The following PTPRD variants were observed in gnomAD, a reference collection of about 807,000 sequenced individuals.
PTPRD encodes protein tyrosine phosphatase receptor type D.
In PTPRD, 34 loss-of-function variants were observed where a neutral mutation model predicts 214.5. That is an observed-to-expected ratio of 0.16 (90% CI 0.12 to 0.21). PTPRD has a LOEUF of 0.21. Among genes scored for constraint, PTPRD ranks in the 10% least tolerant of loss-of-function variants. The pLI is 1.00. For missense variants in PTPRD, 2,545 were observed against 2,398.7 expected (o/e 1.06, Z -1.27); for synonymous variants, 1,128 against 845.7 (o/e 1.33, Z -5.79).
chr9:8,329,895 A>C lies in PTPRD; in HGVS notation c.5534+1687T>G, dbSNP rs368561733. Among the ~76,000 whole-genome samples the C allele has an allele frequency of 1.7e-4, 25 of 150,444 alleles. No individual in the cohort carries two copies. In the East Asian group the frequency reaches 5.0e-3, roughly 30 times the overall value. On this transcript the variant is annotated intron_variant, in intron 44 of 45. Coordinates refer to ENST00000381196, the MANE Select transcript of PTPRD (RefSeq NM_002839.4). ...AGCTCGAATGGCCCAGGTGGACCTC[A>C]GACAGCTGTACTCGCAGTGAGATTT...
At chr9:9,535,269 T>G (rs140589263) in intron 8 of PTPRD, among the ~76,000 whole-genome samples, 2,741 of 152,232 alleles carry the variant, frequency 0.018, 40 homozygotes, top group Admixed American at 0.026. Context: ...TAGCTTTATT[T>G]GCTTTTAGGT....
chr9:10,595,098 G>C (rs10122397), intron 2 of PTPRD, among the ~76,000 whole-genome samples: 1 of 151,428 alleles, frequency 6.6e-6, no homozygotes, highest in Non-Finnish European at 1.5e-5. Flanking sequence ...ATATTGTTTC[G>C]TTCTTGTCTA....
At chr9:9,051,217 G>T (rs1262927113) in intron 10 of PTPRD, among the ~76,000 whole-genome samples, 1 of 151,560 alleles carries the variant, frequency 6.6e-6, no homozygotes, top group African/African-American at 2.4e-5. Context: ...AATTACATCT[G>T]TCAATTAAAA....
At chr9:8,771,388 A>T (rs1010144259) in intron 11 of PTPRD, among the ~76,000 whole-genome samples, 9 of 152,172 alleles carry the variant, frequency 5.9e-5, no homozygotes. Flanking sequence ...AGAATTTAGA[A>T]CCAAGGAAAG....
intron 7 of PTPRD, among the ~76,000 whole-genome samples, chr9:9,584,595 T>G (rs1254663289): frequency 6.6e-6 from 1 of 151,926 alleles, no homozygotes; most frequent in Non-Finnish European, 1.5e-5. Flanking sequence ...CAACTTCAAC[T>G]TCGTTATTCT....
chr9:8,749,682 A>G (rs2093320733), intron 11 of PTPRD, among the ~76,000 whole-genome samples: 1 of 152,248 alleles, frequency 6.6e-6, no homozygotes, highest in South Asian at 2.1e-4. Flanking sequence ...ACATTAAAGT[A>G]GAATAACTTT....
intron 3 of PTPRD, among the ~76,000 whole-genome samples, chr9:10,312,230 T>A (rs1051805385): frequency 1.3e-5 from 2 of 152,000 alleles, no homozygotes; most frequent in Non-Finnish European, 2.9e-5. Context: ...GTGCCAACAT[T>A]GGAATAAAAA....
chr9:10,072,957 C>A lies in PTPRD; in HGVS notation c.-544-39167G>T, dbSNP rs1176007683. ...GTCCTTCAGTAGGTGAATAGACAAG[C>A]AAATTGTGGTATATCCATAGAGTAG... On this transcript the variant is annotated intron_variant, in intron 3 of 45. Coordinates refer to ENST00000381196, the MANE Select transcript of PTPRD (RefSeq NM_002839.4). Among the ~76,000 whole-genome samples the A allele has an allele frequency of 2.6e-5, 4 of 152,034 alleles. 1 individual carries two copies. Among genetic ancestry groups the A allele is most frequent in the Non-Finnish European group, 5.9e-5 (4 of 68,002 alleles).
chr9:10,406,028 T>C (rs2098351191), intron 2 of PTPRD, among the ~76,000 whole-genome samples: 1 of 151,344 alleles, frequency 6.6e-6, no homozygotes, highest in African/African-American at 2.4e-5. Context: ...CATTATAAGA[T>C]ACATTAGCTC....
At chr9:9,578,175 G>A (rs1224655599) in intron 7 of PTPRD, among the ~76,000 whole-genome samples, 1 of 150,864 alleles carries the variant, frequency 6.6e-6, no homozygotes, top group African/African-American at 2.4e-5. Flanking sequence ...AGAAATTATT[G>A]ATAATTTTAT....
chr9:10,585,624 T>TA (rs2073637311), intron 2 of PTPRD, among the ~76,000 whole-genome samples: 1 of 152,140 alleles, frequency 6.6e-6, no homozygotes, highest in Non-Finnish European at 1.5e-5. Flanking sequence ...GTTGCTTTTT[T>TA]AAAAAATATA....
At chr9:9,656,949 A>C (rs2096530128) in intron 7 of PTPRD, among the ~76,000 whole-genome samples, 1 of 152,132 alleles carries the variant, frequency 6.6e-6, no homozygotes, top group Non-Finnish European at 1.5e-5. Context: ...AAAAATGTAA[A>C]GTCTACATAT....
intron 10 of PTPRD, among the ~76,000 whole-genome samples, chr9:9,039,140 C>T (rs1045350896): frequency 6.6e-6 from 1 of 152,210 alleles, no homozygotes; most frequent in East Asian, 1.9e-4. Flanking sequence ...GATAGCTATA[C>T]AAAGCTATAC....
At chr9:9,286,776 T>C (rs1949520548) in intron 9 of PTPRD, among the ~76,000 whole-genome samples, 1 of 149,364 alleles carries the variant, frequency 6.7e-6, no homozygotes, top group Non-Finnish European at 1.5e-5. Context: ...GTCTCATTTT[T>C]CTTTGATCTT....
At chr9:8,490,967 C>T (rs1395457233) in intron 27 of PTPRD, among the ~76,000 whole-genome samples, 1 of 152,166 alleles carries the variant, frequency 6.6e-6, no homozygotes, top group African/African-American at 2.4e-5. Flanking sequence ...TAATTCTTCA[C>T]AGTCACATAA....
At chr9:10,009,261 T>C (rs1275595989) in intron 4 of PTPRD, among the ~76,000 whole-genome samples, 20 of 151,978 alleles carry the variant, frequency 1.3e-4, no homozygotes, top group Non-Finnish European at 1.5e-5. Context: ...CAAATCTGAG[T>C]GACCGAGGCT....
At chr9:9,343,172 G>GA in intron 9 of PTPRD, among the ~76,000 whole-genome samples, 1 of 152,158 alleles carries the variant, frequency 6.6e-6, no homozygotes, top group East Asian at 1.9e-4. Context: ...TTGCTATTGT[G>GA]TAGTGCTGCA....
intron 4 of PTPRD, among the ~76,000 whole-genome samples, chr9:9,952,506 G>A (rs1043821286): frequency 4.4e-4 from 67 of 152,190 alleles, no homozygotes; most frequent in Admixed American, 3.7e-3. Context: ...GGCCAACATC[G>A]TTCATTGCAA....
intron 14 of PTPRD, among the ~76,000 whole-genome samples, chr9:8,574,577 C>T (rs1337811): frequency 0.46 from 69,725 of 151,790 alleles, 17,267 homozygotes; most frequent in African/African-American, 0.67. Context: ...TTTGGTGGTA[C>T]ATATAGCAAA....
Sources: allele counts gnomAD v4.1 joint callset (sites outside exome capture counted in the v4.1 genomes callset), GRCh38; gene constraint gnomAD v4.1.1; transcripts MANE v1.5; gene names NCBI Gene and HGNC (gene_info 2026-07-23, HGNC 2026-07-21).